MAP7: variants seen among roughly 807,000 people sequenced by gnomAD.
MAP7 encodes ensconsin.
MAP7 carries 52 observed loss-of-function variants against 94.8 expected under a neutral mutation model. That is an observed-to-expected ratio of 0.55 (90% CI 0.44 to 0.69). The LOEUF (loss-of-function observed/expected upper bound fraction) is 0.69. Among genes scored for constraint, MAP7 ranks in the 30% least tolerant of loss-of-function variants. The pLI is 0.00. For synonymous variants in MAP7, 350 were observed against 357.0 expected, an observed-to-expected ratio of 0.98 and a Z score of 0.22; for missense variants, 940 against 964.6, an observed-to-expected ratio of 0.97 and a Z score of 0.34.
chr6:136,505,250 AAT>A (rs1821040274), intron 1 of MAP7, among the ~76,000 whole-genome samples: 5 of 87,744 alleles, frequency 5.7e-5, no homozygotes, highest in African/African-American at 1.7e-4. Flanking sequence ...ATTTCCATGT[AAT>A]GTGTGTGTGT....
At chr6:136,435,399 T>C (rs1340644434) in intron 1 of MAP7, among the ~76,000 whole-genome samples, 3 of 152,176 alleles carry the variant, frequency 2.0e-5, no homozygotes, top group African/African-American at 4.8e-5. Context: ...AGAGGAATCA[T>C]TATCGGAAAG....
intron 1 of MAP7, among the ~76,000 whole-genome samples, chr6:136,535,426 TTAAG>T (rs1236554470): frequency 6.6e-6 from 1 of 152,174 alleles, no homozygotes; most frequent in Non-Finnish European, 1.5e-5. Flanking sequence ...CCTCAGGTGT[TTAAG>T]TGACACAAAA....
At position 136,449,022 on chromosome 6, in the gene MAP7, A is replaced by AAGC. The variant is rs1172773764; in HGVS notation, c.68-27226_68-27224dup. ...GGTGTTAAAAAAAAAAAAAAAAAAGAAGCAAGCCAGGCACAGTGGCTCAAG... is the reference window on the plus strand; with the variant it reads ...GGTGTTAAAAAAAAAAAAAAAAAAGAAGCAGCAAGCCAGGCACAGTGGCTCAAG... On this transcript the variant is annotated intron_variant, in intron 1 of 17. Transcript: ENST00000354570. Among the ~76,000 whole-genome samples the AAGC allele has an allele frequency of 3.8e-3, 562 of 146,926 alleles. 5 individuals carry two copies. Among genetic ancestry groups the AAGC allele is most frequent in the African/African-American group, 0.013 (518 of 39,762 alleles).
At chr6:136,393,742 C>T (rs947423033) in intron 3 of MAP7, among the ~76,000 whole-genome samples, 7 of 151,710 alleles carry the variant, frequency 4.6e-5, no homozygotes, top group African/African-American at 1.7e-4. Context: ...CTCAAGCAAT[C>T]CTCCTGCCTC....
rs72977514 is a variant in MAP7, at chr6:136,385,765, G to C, written c.527-1984C>G. ...ACACACAAAAGAATAAGTTTTTAATGTATCAAGTTTTTGTTTTATTTTTGA... is the reference window on the plus strand; with the variant it reads ...ACACACAAAAGAATAAGTTTTTAATCTATCAAGTTTTTGTTTTATTTTTGA... On this transcript the variant is annotated intron_variant, in intron 5 of 17. Transcript: ENST00000354570. Among the ~76,000 whole-genome samples, 1,365 of 152,174 alleles carry C rather than the reference G, an allele frequency of 9.0e-3. 6 individuals carry two copies. Among genetic ancestry groups the C allele is most frequent in the Non-Finnish European group, 0.014 (982 of 67,984 alleles).
At chr6:136,421,442 G>A (rs904233425) in intron 2 of MAP7, among the ~76,000 whole-genome samples, 1 of 152,180 alleles carries the variant, frequency 6.6e-6, no homozygotes, top group Non-Finnish European at 1.5e-5. Flanking sequence ...AAATGACTCT[G>A]AGAGGTAAGC....
At chr6:136,381,036 T>C (rs1308023526) in intron 6 of MAP7, among the ~76,000 whole-genome samples, 1 of 152,254 alleles carries the variant, frequency 6.6e-6, no homozygotes, top group African/African-American at 2.4e-5. Context: ...ATGATGTATA[T>C]ACCTGCTTGA....
intron 1 of MAP7, among the ~76,000 whole-genome samples, chr6:136,529,094 C>A (rs983525504): frequency 8.5e-5 from 13 of 152,050 alleles, no homozygotes; most frequent in Middle Eastern, 3.2e-3. Context: ...ATTTAAATAT[C>A]CGCCAAAGTA....
chr6:136,487,281 T>C (rs1294993962), intron 1 of MAP7, among the ~76,000 whole-genome samples: 1 of 152,250 alleles, frequency 6.6e-6, no homozygotes, highest in African/African-American at 2.4e-5. Flanking sequence ...TATGTAATGA[T>C]ATGCCAGATT....
At chr6:136,419,187 TG>T (rs1412813316) in intron 2 of MAP7, among the ~76,000 whole-genome samples, 2 of 152,240 alleles carry the variant, frequency 1.3e-5, no homozygotes, top group African/African-American at 4.8e-5. Flanking sequence ...TCCATCATAC[TG>T]TCAACTGGAA....
rs886501492 is a variant in MAP7 at position 136,437,454 on chromosome 6, C to G, written c.68-15655G>C. ...AATTCTTTCCCTAGGGTACAGCTAA[C>G]ACCGGTTCCATCAGGAGCTCCCGAA... On this transcript the variant is annotated intron_variant, in intron 1 of 17. Coordinates refer to ENST00000354570, the MANE Select transcript of MAP7 (RefSeq NM_003980.6). Among the ~76,000 whole-genome samples the G allele has an allele frequency of 5.0e-4, 76 of 152,200 alleles. 2 individuals are homozygous for G. Among genetic ancestry groups the G allele is most frequent in the Non-Finnish European group, 1.2e-4 (8 of 68,036 alleles).
chr6:136,366,173 C>G (rs1345422953), intron 9 of MAP7, among the ~76,000 whole-genome samples, 154 bp downstream of exon 9: 1 of 152,200 alleles, frequency 6.6e-6, no homozygotes, highest in South Asian at 2.1e-4. Context: ...CTTTAGGGAA[C>G]CATTCCAATT....
intron 3 of MAP7, among the ~76,000 whole-genome samples, chr6:136,394,931 CATATATATATATAT>C (rs144839767): frequency 0.049 from 1,341 of 27,512 alleles, 162 homozygotes; most frequent in East Asian, 0.36. Context: ...AATATTCCAT[CATATATATATATAT>C]ATATATATAT....
chr6:136,505,275 GTGTATATATATA>G (rs1367523499), intron 1 of MAP7, among the ~76,000 whole-genome samples: 2 of 69,158 alleles, frequency 2.9e-5, no homozygotes, highest in African/African-American at 1.2e-4. Context: ...GTGTGTGTGT[GTGTATATATATA>G]TATATATATA....
intron 1 of MAP7, among the ~76,000 whole-genome samples, chr6:136,537,744 C>T (rs1828995574): frequency 6.6e-6 from 1 of 152,052 alleles, no homozygotes; most frequent in South Asian, 2.1e-4. Context: ...AAACCCAGGA[C>T]CCATCTGAGG....
chr6:136,538,858 A>C (rs1309034342), intron 1 of MAP7, among the ~76,000 whole-genome samples: 4 of 151,698 alleles, frequency 2.6e-5, no homozygotes, highest in African/African-American at 9.7e-5. Flanking sequence ...GCGTGATCAC[A>C]TAACACAATC....
At chr6:136,490,637 G>A (rs1169778216) in intron 1 of MAP7, among the ~76,000 whole-genome samples, 2 of 152,188 alleles carry the variant, frequency 1.3e-5, no homozygotes, top group Non-Finnish European at 2.9e-5. Flanking sequence ...GGATCCCTCA[G>A]GTACCTGATT....
chr6:136,361,622 C>T (rs1249487989), intron 11 of MAP7, among the ~76,000 whole-genome samples: 2 of 152,222 alleles, frequency 1.3e-5, no homozygotes, highest in Non-Finnish European at 1.5e-5. Context: ...AAGGGAAAGG[C>T]ATGGCCAAGA....
intron 2 of MAP7, among the ~76,000 whole-genome samples, chr6:136,417,703 G>A (rs1789948657): frequency 6.6e-6 from 1 of 152,062 alleles, no homozygotes; most frequent in Non-Finnish European, 1.5e-5. Context: ...CAGAGTGAGG[G>A]CATAAAACCC....
Sources: allele counts gnomAD v4.1 joint callset (sites outside exome capture counted in the v4.1 genomes callset), GRCh38; gene constraint gnomAD v4.1.1; transcripts MANE v1.5; gene names NCBI Gene and HGNC (gene_info 2026-07-23, HGNC 2026-07-21).